DCC: variants seen among roughly 807,000 people sequenced by gnomAD.
The protein encoded by DCC is netrin receptor DCC.
In DCC, 58 loss-of-function variants were observed where a neutral mutation model predicts 172.5. The observed-to-expected ratio is 0.34, with a 90% CI of 0.27 to 0.42. DCC has a LOEUF of 0.42. Ranked by LOEUF, DCC falls within the 10% of genes least tolerant of loss-of-function variation. The pLI, the probability that DCC is intolerant of heterozygous loss-of-function variation, is 1.00. For synonymous variants in DCC, 709 were observed against 644.5 expected (o/e 1.10, Z -1.52); for missense variants, 1,740 against 1,791.0 (o/e 0.97, Z 0.51).
intron 7 of DCC, among the ~76,000 whole-genome samples, chr18:53,117,872 C>T (rs754530567): frequency 4.0e-5 from 6 of 151,716 alleles, no homozygotes; most frequent in Non-Finnish European, 7.4e-5. Flanking sequence ...ATTCTTGTCA[C>T]GTCATGAACT....
chr18:53,255,237 T>C (rs933255130), intron 12 of DCC, among the ~76,000 whole-genome samples: 2 of 151,936 alleles, frequency 1.3e-5, no homozygotes, highest in Non-Finnish European at 2.9e-5. Flanking sequence ...TATTATACTT[T>C]AAGTTTTAGG....
rs192177858 is a variant in DCC, at chr18:53,000,499, G to A, written c.986-62806G>A. 1.9e-3 allele frequency among the ~76,000 whole-genome samples: 286 copies of A among 150,968 alleles called. 1 individual carries two copies. Among genetic ancestry groups the A allele is most frequent in the African/African-American group, 6.1e-3 (250 of 41,182 alleles). On this transcript the variant is annotated intron_variant, in intron 5 of 28. Transcript: ENST00000442544. ...AGGCCAAAGTTCTATAGGTTTTTTCGGTCTCTCCAAAGAGAGTCTAAGACC... is the reference window on the plus strand; with the variant it reads ...AGGCCAAAGTTCTATAGGTTTTTTCAGTCTCTCCAAAGAGAGTCTAAGACC...
At chr18:53,090,453 GGAGGCCGAGGC>G (rs1321258347) in intron 7 of DCC, among the ~76,000 whole-genome samples, 2 of 151,666 alleles carry the variant, frequency 1.3e-5, no homozygotes, top group African/African-American at 2.4e-5. Context: ...CAGCACTTTG[GGAGGCCGAGGC>G]GGGCGGATCA....
chr18:53,390,803 A>G lies in DCC; in HGVS notation c.2456-852A>G, dbSNP rs190459523. 4.6e-5 allele frequency among the ~76,000 whole-genome samples: 7 copies of G among 152,308 alleles called. No individual in the cohort carries two copies. The South Asian group carries it at 1.0e-3, about 23-fold the overall frequency. On this transcript the variant is annotated intron_variant, in intron 16 of 28. Coordinates refer to ENST00000442544, the MANE Select transcript of DCC (RefSeq NM_005215.4). ...ATGTATATACCTCAGTGCAAATCTC[A>G]TAAGTCTGTAGGTAGTTAATCCTGT...
intron 5 of DCC, among the ~76,000 whole-genome samples, chr18:52,977,549 CTGTATGTG>C (rs1048237822): frequency 6.6e-6 from 1 of 152,076 alleles, no homozygotes; most frequent in African/African-American, 2.4e-5. Context: ...TCTTGTTCCT[CTGTATGTG>C]TGTATCCTAG....
At chr18:52,829,055 C>A (rs1005913719) in intron 2 of DCC, among the ~76,000 whole-genome samples, 2 of 152,156 alleles carry the variant, frequency 1.3e-5, no homozygotes, top group African/African-American at 4.8e-5. Flanking sequence ...ACTAGCCTGG[C>A]TAGCTGTTAT....
At chr18:53,372,585 A>C (rs1326826171) in intron 15 of DCC, among the ~76,000 whole-genome samples, 2 of 152,098 alleles carry the variant, frequency 1.3e-5, no homozygotes, top group Non-Finnish European at 2.9e-5. Context: ...ACAAACTTGC[A>C]CACGTACCCA....
At chr18:53,098,515 C>T (rs1379491183) in intron 7 of DCC, among the ~76,000 whole-genome samples, 1 of 152,116 alleles carries the variant, frequency 6.6e-6, no homozygotes, top group Admixed American at 6.5e-5. Context: ...ATGAATTTAT[C>T]CAGTGTTTCG....
chr18:52,791,573 T>C (rs774427244), intron 2 of DCC, among the ~76,000 whole-genome samples: 21 of 151,782 alleles, frequency 1.4e-4, no homozygotes, highest in Non-Finnish European at 2.8e-4. Context: ...AACTAAGCCA[T>C]TGGGGTTAGT....
At chr18:53,270,283 G>C (rs1171709621) in intron 12 of DCC, among the ~76,000 whole-genome samples, 1 of 152,124 alleles carries the variant, frequency 6.6e-6, no homozygotes, top group African/African-American at 2.4e-5. Context: ...CATAGGAGGG[G>C]ATTTGAAAGA....
chr18:52,544,347 G>A (rs559471436), intron 1 of DCC, among the ~76,000 whole-genome samples: 73 of 152,250 alleles, frequency 4.8e-4, no homozygotes, highest in Non-Finnish European at 8.8e-4. Context: ...TGAATATTTT[G>A]ACACCAGCCA....
chr18:53,000,870 G>A (rs1216894200), intron 5 of DCC, among the ~76,000 whole-genome samples: 1 of 151,874 alleles, frequency 6.6e-6, no homozygotes, highest in Non-Finnish European at 1.5e-5. Context: ...TTAAAAACAA[G>A]GTAAGAAATG....
At chr18:52,953,804 G>C (rs942144506) in intron 5 of DCC, among the ~76,000 whole-genome samples, 3 of 152,156 alleles carry the variant, frequency 2.0e-5, no homozygotes, top group African/African-American at 7.2e-5. Context: ...TGACATTACA[G>C]TGTCTGCACG....
intron 1 of DCC, among the ~76,000 whole-genome samples, chr18:52,682,690 T>C (rs963902045): frequency 6.6e-6 from 1 of 151,754 alleles, no homozygotes; most frequent in Non-Finnish European, 1.5e-5. Flanking sequence ...CAGACAAATA[T>C]AAAATATGTC....
chr18:52,631,861 C>T (rs2144881403), intron 1 of DCC, among the ~76,000 whole-genome samples: 1 of 152,262 alleles, frequency 6.6e-6, no homozygotes, highest in East Asian at 1.9e-4. Context: ...CTTAAATTGT[C>T]CTAAATTATC....
intron 1 of DCC, among the ~76,000 whole-genome samples, chr18:52,358,443 A>T (rs920691055): frequency 2.6e-5 from 4 of 152,210 alleles, no homozygotes; most frequent in Non-Finnish European, 5.9e-5. Flanking sequence ...TTGTTTCTTC[A>T]TCTGTAAAGC....
At chr18:53,099,212 T>C (rs1437908259) in intron 7 of DCC, among the ~76,000 whole-genome samples, 1 of 152,140 alleles carries the variant, frequency 6.6e-6, no homozygotes, top group Admixed American at 6.6e-5. Context: ...GTTTGTCTCC[T>C]GAAAGAAGAA....
At chr18:53,094,015 C>T (rs1019781128) in intron 7 of DCC, among the ~76,000 whole-genome samples, 2 of 152,048 alleles carry the variant, frequency 1.3e-5, no homozygotes, top group African/African-American at 2.4e-5. Flanking sequence ...TAAAAAAAGT[C>T]GTCACCCACA....
chr18:52,986,070 A>G (rs2041288187), intron 5 of DCC, among the ~76,000 whole-genome samples: 1 of 152,170 alleles, frequency 6.6e-6, no homozygotes. Flanking sequence ...TGTATGAAAT[A>G]GGATGTTAAG....
Sources: allele counts gnomAD v4.1 joint callset (sites outside exome capture counted in the v4.1 genomes callset), GRCh38; gene constraint gnomAD v4.1.1; transcripts MANE v1.5; gene names NCBI Gene and HGNC (gene_info 2026-07-23, HGNC 2026-07-21).